Variants in PARD3 observed in about 807,000 individuals in gnomAD.
PARD3 encodes the protein partitioning defective 3 homolog.
A neutral mutation model predicts 155.4 loss-of-function variants in PARD3; 75 were observed. That is an observed-to-expected ratio of 0.48 (90% CI 0.40 to 0.58). The LOEUF is 0.58. PARD3 is among the 20% of genes least tolerant of loss of function. PARD3 has a pLI of 0.00. For missense variants in PARD3, 1,642 were observed against 1,721.7 expected, an observed-to-expected ratio of 0.95 and a Z score of 0.82; for synonymous variants, 576 against 610.5, an observed-to-expected ratio of 0.94 and a Z score of 0.83.
chr10:34,627,962 G>C (rs1308653796), intron 2 of PARD3, among the ~76,000 whole-genome samples: 2 of 152,096 alleles, frequency 1.3e-5, no homozygotes, highest in African/African-American at 4.8e-5. Flanking sequence ...AAGCCCTCTT[G>C]GTGGACAGAG....
At chr10:34,673,980 G>A (rs1047886868) in intron 2 of PARD3, among the ~76,000 whole-genome samples, 2 of 120,556 alleles carry the variant, frequency 1.7e-5, no homozygotes, top group African/African-American at 5.8e-5. Flanking sequence ...GCGAGAGTCT[G>A]CATCAAAAAA....
chr10:34,563,359 T>C (rs1424107798), intron 2 of PARD3, among the ~76,000 whole-genome samples: 3 of 152,094 alleles, frequency 2.0e-5, no homozygotes, highest in African/African-American at 7.2e-5. Context: ...GAATCCTATA[T>C]CCCATGTTTG....
chr10:34,423,240 T>C (rs1024246666), intron 5 of PARD3, among the ~76,000 whole-genome samples: 4 of 152,172 alleles, frequency 2.6e-5, no homozygotes, highest in African/African-American at 9.7e-5. Flanking sequence ...AAATACTGTA[T>C]GATCTCACTT....
At chr10:34,313,101 C>CA (rs1957793077) in intron 20 of PARD3, among the ~76,000 whole-genome samples, 1 of 152,166 alleles carries the variant, frequency 6.6e-6, no homozygotes. Flanking sequence ...AGTACATACT[C>CA]AATTTCCTCT....
At chr10:34,254,396 CA>C (rs67045879) in intron 22 of PARD3, among the ~76,000 whole-genome samples, 59,840 of 128,490 alleles carry the variant, frequency 0.47, 13,265 homozygotes, top group Middle Eastern at 0.59. Flanking sequence ...AAAACAAAAA[CA>C]AAAACAAAAA....
chr10:34,666,062 T>TAAAA (rs1564480319), intron 2 of PARD3, among the ~76,000 whole-genome samples: 4 of 150,062 alleles, frequency 2.7e-5, no homozygotes, highest in African/African-American at 9.8e-5. Flanking sequence ...AAAAAAAAAT[T>TAAAA]AAATTAAATT....
chr10:34,814,600 G>C (rs1203581804), intron 1 of PARD3, among the ~76,000 whole-genome samples: 8 of 151,858 alleles, frequency 5.3e-5, no homozygotes, highest in African/African-American at 1.9e-4. Context: ...GCCGCTGCCC[G>C]GCTCGCCCCG....
chr10:34,378,122 A>G lies in PARD3; in HGVS notation c.1400-16T>C. On this transcript the variant is annotated splice_polypyrimidine_tract_variant and intron_variant, in intron 9 of 24. Transcript: ENST00000374788. Reference sequence around the variant, plus strand: ...CCTTCTGTACCTAGGTATGTGAAGGAGAAGAAAAGTAAATAAAATGAGATA... The same window carrying G: ...CCTTCTGTACCTAGGTATGTGAAGGGGAAGAAAAGTAAATAAAATGAGATA... 6.4e-7 allele frequency: 1 copy of G among 1,556,746 alleles called. No individual in the cohort carries two copies. Among genetic ancestry groups the G allele is most frequent in the Non-Finnish European group, 8.7e-7 (1 of 1,154,540 alleles).
intron 2 of PARD3, among the ~76,000 whole-genome samples, chr10:34,606,953 G>A (rs1325927351): frequency 1.6e-5 from 2 of 127,750 alleles, no homozygotes; most frequent in African/African-American, 5.9e-5. Context: ...GTGACAGAGA[G>A]AGACTCTGTC....
intron 3 of PARD3, 21 bp from the exon 4 acceptor site, chr10:34,470,284 T>C: frequency 2.6e-6 from 4 of 1,525,972 alleles, no homozygotes; most frequent in African/African-American, 1.4e-5. Context: ...AAAAGCACTA[T>C]GCTGAAAAAT....
At chr10:34,195,167 A>G (rs1400934909) in intron 22 of PARD3, among the ~76,000 whole-genome samples, 1 of 152,258 alleles carries the variant, frequency 6.6e-6, no homozygotes, top group Non-Finnish European at 1.5e-5. Context: ...AGTTGAACAC[A>G]ATTAATCCAA....
At chr10:34,522,544 A>ACTTT (rs2082210891) in intron 2 of PARD3, among the ~76,000 whole-genome samples, 1 of 152,206 alleles carries the variant, frequency 6.6e-6, no homozygotes, top group Non-Finnish European at 1.5e-5. Context: ...ATTGTGATGG[A>ACTTT]TGATAAATAC....
At chr10:34,167,420 C>A (rs1012591266) in intron 22 of PARD3, among the ~76,000 whole-genome samples, 1 of 151,896 alleles carries the variant, frequency 6.6e-6, no homozygotes, top group South Asian at 2.1e-4. Context: ...TAATGGTCTA[C>A]ACTAGGAACA....
intron 22 of PARD3, among the ~76,000 whole-genome samples, chr10:34,145,219 ATATT>A (rs1341205193): frequency 5.8e-3 from 310 of 53,432 alleles, no homozygotes; most frequent in South Asian, 0.01. Flanking sequence ...ATATATATAT[ATATT>A]TTTTTTTTTT....
At chr10:34,810,339 A>C (rs1047071233) in intron 1 of PARD3, among the ~76,000 whole-genome samples, 1 of 152,290 alleles carries the variant, frequency 6.6e-6, no homozygotes, top group Non-Finnish European at 1.5e-5. Context: ...AACCTATCTC[A>C]TTATATATAC....
Position 34,812,273 on chromosome 10 carries a change from T to C in PARD3, c.120+2603A>G, listed in dbSNP as rs1844279144. On this transcript the variant is annotated intron_variant, in intron 1 of 24. Coordinates refer to ENST00000374788, the MANE Select transcript of PARD3 (RefSeq NM_001184785.2). ...TTTTTATTTTTTATTTTTGGCTTGG[T>C]TGGTTATTATCCAAAGCCATAAACA... Among the ~76,000 whole-genome samples, 3 of 152,202 alleles carry C rather than the reference T, an allele frequency of 2.0e-5. No homozygotes were observed. In the South Asian group the frequency reaches 6.2e-4, roughly 31 times the overall value.
intron 22 of PARD3, among the ~76,000 whole-genome samples, chr10:34,269,353 G>C (rs1002369786): frequency 1.3e-5 from 2 of 152,148 alleles, no homozygotes; most frequent in East Asian, 3.8e-4. Context: ...TTAAGTAGAA[G>C]AGTCATAATT....
chr10:34,608,987 G>T (rs2090683416), intron 2 of PARD3, among the ~76,000 whole-genome samples: 1 of 151,938 alleles, frequency 6.6e-6, no homozygotes, highest in African/African-American at 2.4e-5. Flanking sequence ...GAGGACCTTG[G>T]GCATCTTCAG....
intron 2 of PARD3, among the ~76,000 whole-genome samples, chr10:34,609,123 G>T (rs2090691597): frequency 6.6e-6 from 1 of 152,040 alleles, no homozygotes; most frequent in East Asian, 1.9e-4. Context: ...GACTAATTTT[G>T]GACTCAAGTC....
Sources: gnomAD v4.1 joint callset for allele counts (sites outside exome capture counted in the v4.1 genomes callset) on GRCh38, gnomAD v4.1.1 for gene constraint, MANE v1.5 for transcripts, NCBI Gene and HGNC (gene_info 2026-07-23, HGNC 2026-07-21) for gene names.